The following WDR47 variants were observed in gnomAD, a reference collection of about 807,000 sequenced individuals.
The protein encoded by WDR47 is WD repeat domain 47.
WDR47 carries 32 observed loss-of-function variants against 97.2 expected under a neutral mutation model. The observed-to-expected ratio is 0.33, with a 90% CI of 0.25 to 0.44. WDR47 has a LOEUF of 0.44. Ranked by LOEUF, WDR47 falls within the 20% of genes least tolerant of loss-of-function variation. The pLI, the probability that WDR47 is intolerant of heterozygous loss-of-function variation, is 1.00. For synonymous variants in WDR47, 375 were observed against 373.5 expected, an observed-to-expected ratio of 1.00 and a Z score of -0.05; for missense variants, 782 against 1,102.3, an observed-to-expected ratio of 0.71 and a Z score of 4.11.
At position 109,004,634 on chromosome 1, in the gene WDR47, A is replaced by C. The variant is rs755511536; in HGVS notation, c.1212T>G (p.Asn404Lys). Residue 404 changes from asparagine (N) to lysine (K), a missense_variant, in exon 6 of 15, where the codon AAT (asparagine) becomes AAG (lysine). Coordinates refer to ENST00000369962, the MANE Select transcript of WDR47 (RefSeq NM_001142551.2). ...QSSVSEKEPA[N>K]GAQNPGPAKQ... is the part of the protein sequence containing the mutation. ...TAGCTGGTCCTGGATTCTGTGCTCC[A>C]TTTGCAGGCTCTTTTTCTGAAACTG... is the stretch of plus-strand genomic sequence containing the variant. 2.5e-6 allele frequency: 4 copies of C among 1,613,466 alleles called. No individual in the cohort carries two copies. The highest frequency in any genetic ancestry group is 3.4e-6 in the Non-Finnish European group (4 of 1,179,760).
At chr1:108,982,492 A>C in intron 12 of WDR47, 117 bp downstream of exon 12, 1 of 1,240,676 alleles carries the variant, frequency 8.1e-7, no homozygotes, top group Non-Finnish European at 1.1e-6. Flanking sequence ...TGATTGTGCC[A>C]CTGCACTCTG....
At chr1:108,977,618 A>G (rs1658011285) in intron 13 of WDR47, among the ~76,000 whole-genome samples, 1 of 151,930 alleles carries the variant, frequency 6.6e-6, no homozygotes, top group South Asian at 2.1e-4. Flanking sequence ...TTGGGAGGCC[A>G]ATGCGGGCAG....
intron 4 of WDR47, among the ~76,000 whole-genome samples, chr1:109,012,573 A>AAAAAAAAAAAAC: frequency 2.2e-4 from 1 of 4,526 alleles, no homozygotes; most frequent in Non-Finnish European, 7.4e-4. Flanking sequence ...ACTCCATCTC[A>AAAAAAAAAAAAC]AAAAAAAAAA....
chr1:109,036,928 T>A (rs938102371), intron 1 of WDR47, among the ~76,000 whole-genome samples: 1 of 152,340 alleles, frequency 6.6e-6, no homozygotes, highest in South Asian at 2.1e-4. Context: ...TCCCATCATC[T>A]AGGCTCTTTA....
At chr1:109,016,081 G>C (rs999976332) in intron 3 of WDR47, among the ~76,000 whole-genome samples, 1 of 151,512 alleles carries the variant, frequency 6.6e-6, no homozygotes, top group African/African-American at 2.4e-5. Flanking sequence ...GTGTGAGCTA[G>C]AACTCAAACA....
At chr1:108,982,565 A>C in intron 12 of WDR47, 44 bp downstream of exon 12, 1 of 1,547,772 alleles carries the variant, frequency 6.5e-7, no homozygotes, top group Non-Finnish European at 8.7e-7. Flanking sequence ...AAAAGCACAG[A>C]TTGAACAAAA....
chr1:108,997,708 C>T (rs1425867853), intron 7 of WDR47, among the ~76,000 whole-genome samples: 2 of 127,818 alleles, frequency 1.6e-5, no homozygotes, highest in African/African-American at 6.0e-5. Context: ...TGCAGTGAGC[C>T]GAGATAGTGC....
intron 3 of WDR47, among the ~76,000 whole-genome samples, chr1:109,015,697 A>G (rs1195715961): frequency 6.6e-6 from 1 of 151,530 alleles, no homozygotes; most frequent in East Asian, 2.0e-4. Context: ...CCTTAAAAAA[A>G]GAGAAATTTG....
In WDR47 at chr1:109,041,382, C is replaced by T. The variant is rs569421572; in HGVS notation, c.-10+480G>A. Reference sequence around the variant, plus strand: ...GCCAAAACCGGCCCCAGCGGGGCTCCCAGCCCCGCCGCTCCCTCTCTTCCT... The same window carrying T: ...GCCAAAACCGGCCCCAGCGGGGCTCTCAGCCCCGCCGCTCCCTCTCTTCCT... On this transcript the variant is annotated intron_variant, in intron 1 of 14. Transcript: ENST00000369962. 489 of 152,426 alleles carry T rather than the reference C, an allele frequency of 3.2e-3. 3 individuals are homozygous for T. Among genetic ancestry groups the T allele is most frequent in the South Asian group, 0.025 (119 of 4,828 alleles). 9.4% of individuals were successfully genotyped at this position (152,426 alleles called of 1,614,324 possible). A position where few individuals can be genotyped will look rare whatever the true frequency, so the allele number is the denominator to read the frequency against.
intron 2 of WDR47, among the ~76,000 whole-genome samples, chr1:109,020,613 C>G (rs1254252529): frequency 2.0e-5 from 3 of 151,986 alleles, no homozygotes; most frequent in African/African-American, 7.2e-5. Context: ...CTTTGCATTT[C>G]ACCTCAGACC....
chr1:109,036,791 T>C (rs754339958), intron 1 of WDR47, among the ~76,000 whole-genome samples: 1 of 147,298 alleles, frequency 6.8e-6, no homozygotes, highest in Non-Finnish European at 1.5e-5. Flanking sequence ...GCCGAGATCA[T>C]GCCACTGCAC....
intron 1 of WDR47, chr1:109,030,133 G>A (rs998023204): frequency 5.8e-6 from 7 of 1,213,872 alleles, no homozygotes; most frequent in East Asian, 2.5e-5. Context: ...AAGAAGAAAC[G>A]CCTGGTGCAG....
At chr1:109,004,754 G>C (rs200580358) in intron 5 of WDR47, 39 bp from the exon 6 acceptor site, 7 of 1,552,196 alleles carry the variant, frequency 4.5e-6, no homozygotes, top group African/African-American at 2.8e-5. Flanking sequence ...AAAGGCAGAG[G>C]GGGGAGTAAA....
chr1:109,036,446 C>T (rs922867806), intron 1 of WDR47, among the ~76,000 whole-genome samples: 4 of 151,142 alleles, frequency 2.6e-5, no homozygotes, highest in African/African-American at 2.4e-5. Context: ...GTAGCGTGCG[C>T]CTGTAGTCCC....
At chr1:108,972,100 A>G (rs1657495901) in intron 14 of WDR47, among the ~76,000 whole-genome samples, 1 of 152,134 alleles carries the variant, frequency 6.6e-6, no homozygotes, top group Admixed American at 6.6e-5. Flanking sequence ...AAACTTGTCT[A>G]AAACCAAACT....
At chr1:109,025,215 A>T (rs1662115994) in intron 1 of WDR47, among the ~76,000 whole-genome samples, 1 of 151,940 alleles carries the variant, frequency 6.6e-6, no homozygotes, top group Non-Finnish European at 1.5e-5. Flanking sequence ...AGGTGGGAGG[A>T]TCACATGAGC....
In WDR47 at chr1:108,992,324, T is replaced by C. The variant is rs954387785; in HGVS notation, c.1692-995A>G. On this transcript the variant is annotated intron_variant, in intron 8 of 14. Transcript: ENST00000369962. ...TGACCCGGAGAACCCCACGGAATCATGCAAATCAAGAGGTTCCAATCTTCG... is the reference window on the plus strand; with the variant it reads ...TGACCCGGAGAACCCCACGGAATCACGCAAATCAAGAGGTTCCAATCTTCG... 4 of 763,310 alleles carry C rather than the reference T, an allele frequency of 5.2e-6. No homozygotes were observed. In the Admixed American group the frequency reaches 5.7e-5, roughly 11 times the overall value. 47.3% of individuals were successfully genotyped at this position (763,310 alleles called of 1,614,324 possible). A position where few individuals can be genotyped will look rare whatever the true frequency, so the allele number is the denominator to read the frequency against.
Position 109,011,333 on chromosome 1 carries a change from T to C in WDR47, c.713A>G (p.Asp238Gly). The C allele has an allele frequency of 6.2e-7, 1 of 1,614,234 alleles. No individual in the cohort carries two copies. The highest frequency in any genetic ancestry group is 8.5e-7 in the Non-Finnish European group (1 of 1,180,060). ...GIDLLCGNGC[D>G]DLDLSLLSWL... ...TGACAGTAAACTCAGATCCAAATCA[T>C]CACAACCATTACCACATAAGAGGTC... The change falls in exon 5 of 15, where the codon GAT becomes GGT. Residue 238 changes from aspartate (D) to glycine (G), a missense_variant. By Grantham distance (94) the Asp-to-Gly change is moderately conservative. Around this residue, in one of 3 missense-constraint regions of WDR47, gnomAD observed 428 missense variants for 584.3 expected, o/e 0.73. Coordinates refer to ENST00000369962, the MANE Select transcript of WDR47 (RefSeq NM_001142551.2).
chr1:109,018,073 A>G (rs1172034724), intron 2 of WDR47, among the ~76,000 whole-genome samples: 7 of 152,070 alleles, frequency 4.6e-5, no homozygotes, highest in Non-Finnish European at 1.0e-4. Flanking sequence ...CTTATTTGTA[A>G]CAACATACAC....
Sources: gnomAD v4.1 joint callset for allele counts (sites outside exome capture counted in the v4.1 genomes callset) on GRCh38, gnomAD v4.1.1 for gene constraint, gnomAD v4.1.1 regional missense constraint, MANE v1.5 for transcripts, NCBI Gene and HGNC (gene_info 2026-07-23, HGNC 2026-07-21) for gene names.